FNDC3A: variants seen among roughly 807,000 people sequenced by gnomAD.
FNDC3A encodes the protein fibronectin type-III domain-containing protein 3A.
A neutral mutation model predicts 148.9 loss-of-function variants in FNDC3A; 32 were observed. The observed-to-expected ratio is 0.21, with a 90% confidence interval of 0.16 to 0.29. FNDC3A has a LOEUF of 0.29. Among genes scored for constraint, FNDC3A ranks in the 10% least tolerant of loss-of-function variants. The pLI is 1.00. For synonymous variants in FNDC3A, 472 were observed against 473.6 expected (o/e 1.00, Z 0.04); for missense variants, 1,191 against 1,452.8 (o/e 0.82, Z 2.93).
intron 2 of FNDC3A, chr13:49,045,921 A>G (rs1169629851): frequency 4.6e-6 from 1 of 216,874 alleles, no homozygotes; most frequent in Non-Finnish European, 9.1e-6. Flanking sequence ...ATCAGGGACA[A>G]TACTTTTTCC....
rs764042453 is a variant in FNDC3A at position 49,191,137 on chromosome 13, T to C, written c.2050+17T>C. 6.2e-7 allele frequency: 1 copy of C among 1,603,292 alleles called. No homozygotes were observed. Among genetic ancestry groups the C allele is most frequent in the South Asian group, 1.1e-5 (1 of 89,058 alleles). Reference sequence around the variant, plus strand: ...TACGATGGGGTAATTTCCATTTTGGTAATAAATTATAATTAAGCTAGAACA... The same window carrying C: ...TACGATGGGGTAATTTCCATTTTGGCAATAAATTATAATTAAGCTAGAACA... On this transcript the variant is annotated intron_variant, in intron 18 of 25. Coordinates refer to ENST00000492622, the MANE Select transcript of FNDC3A (RefSeq NM_001079673.2).
chr13:49,064,638 C>T (rs781647227), intron 2 of FNDC3A, among the ~76,000 whole-genome samples: 7 of 152,020 alleles, frequency 4.6e-5, no homozygotes, highest in Non-Finnish European at 8.8e-5. Context: ...GCCCCAGTGG[C>T]GCAGACACAG....
At chr13:49,016,724 C>T (rs1872814275) in intron 2 of FNDC3A, among the ~76,000 whole-genome samples, 1 of 151,926 alleles carries the variant, frequency 6.6e-6, no homozygotes, top group Non-Finnish European at 1.5e-5. Flanking sequence ...TTCCTGCTTC[C>T]TCTTGTGGGC....
chr13:49,061,133 G>A (rs1876654842), intron 2 of FNDC3A, among the ~76,000 whole-genome samples: 1 of 151,528 alleles, frequency 6.6e-6, no homozygotes, highest in Admixed American at 6.6e-5. Flanking sequence ...TTTTAGAGAT[G>A]AGATCTCACT....
chr13:49,131,159 G>A lies in FNDC3A; in HGVS notation c.275G>A (p.Arg92Gln), dbSNP rs79251453. The A allele has an allele frequency of 2.9e-5, 46 of 1,613,402 alleles. No individual in the cohort carries two copies. Among genetic ancestry groups the A allele is most frequent in the Non-Finnish European group, 3.5e-5 (41 of 1,179,376 alleles). ...APQVIEDNGV[R>Q]RVVVVPQAPE... ...TAGGTTATTGAAGACAATGGTGTTC[G>A]AAGAGTTGTCGTGGTCCCTCAGGCA... The change falls in exon 5 of 26, where the codon CGA becomes CAA. Residue 92 changes from arginine to glutamine, a missense_variant. Physicochemically the swap from Arg to Gln is conservative, Grantham distance 43. Transcript: ENST00000492622.
intron 8 of FNDC3A, 97 bp from the exon 9 acceptor site, chr13:49,167,147 T>G: frequency 1.5e-6 from 1 of 646,852 alleles, no homozygotes; most frequent in Admixed American, 2.8e-5. Context: ...AAGAAAGAAG[T>G]AGTTTCATAA....
Position 49,185,942 on chromosome 13 carries a change from T to C in FNDC3A, c.1618-22T>C, listed in dbSNP as rs372345418. ...ATTAGGTATCAAGTGTATTATTTAATGTCTTTCTGTTCTCATCACAGGTTA... is the reference window on the plus strand; with the variant it reads ...ATTAGGTATCAAGTGTATTATTTAACGTCTTTCTGTTCTCATCACAGGTTA... On this transcript the variant is annotated intron_variant, in intron 14 of 25. Coordinates refer to ENST00000492622, the MANE Select transcript of FNDC3A (RefSeq NM_001079673.2). 3.5e-5 allele frequency: 55 copies of C among 1,588,932 alleles called. No individual in the cohort carries two copies. The African/African-American group carries it at 5.4e-4, about 16-fold the overall frequency.
chr13:49,137,621 A>G (rs1882453245), intron 6 of FNDC3A, among the ~76,000 whole-genome samples: 1 of 152,250 alleles, frequency 6.6e-6, no homozygotes, highest in Non-Finnish European at 1.5e-5. Flanking sequence ...CTAAGATTAC[A>G]GGCATGAGCC....
intron 5 of FNDC3A, among the ~76,000 whole-genome samples, chr13:49,132,779 C>CT (rs1882110610): frequency 6.6e-6 from 1 of 152,154 alleles, no homozygotes; most frequent in Non-Finnish European, 1.5e-5. Flanking sequence ...TGTAAATTTC[C>CT]TTTAACCTTT....
intron 2 of FNDC3A, among the ~76,000 whole-genome samples, chr13:49,057,334 T>C (rs1876325336): frequency 6.6e-6 from 1 of 152,202 alleles, no homozygotes; most frequent in Non-Finnish European, 1.5e-5. Context: ...ACACAGAACA[T>C]ATTAATGTAA....
At chr13:48,995,234 C>A (rs1159637648) in intron 1 of FNDC3A, among the ~76,000 whole-genome samples, 3 of 151,452 alleles carry the variant, frequency 2.0e-5, no homozygotes, top group African/African-American at 4.8e-5. Context: ...TTATTTATTT[C>A]TTTTTTAATA....
At chr13:49,164,947 C>A (rs1338749059) in intron 8 of FNDC3A, among the ~76,000 whole-genome samples, 1 of 152,104 alleles carries the variant, frequency 6.6e-6, no homozygotes, top group Non-Finnish European at 1.5e-5. Flanking sequence ...GTTTTTAGTC[C>A]TTTGTTGATG....
At chr13:49,146,370 T>C (rs1882993484) in intron 8 of FNDC3A, 1 of 155,022 alleles carries the variant, frequency 6.5e-6, no homozygotes, top group African/African-American at 2.4e-5. Flanking sequence ...AGTAGCACTG[T>C]TATTTATTTG....
intron 2 of FNDC3A, chr13:49,045,334 A>T (rs944614971): frequency 6.2e-6 from 1 of 160,754 alleles, no homozygotes; most frequent in African/African-American, 2.4e-5. Context: ...TTGTATTTTT[A>T]GTAGGGATGG....
intron 8 of FNDC3A, among the ~76,000 whole-genome samples, chr13:49,152,375 C>T (rs1329803170): frequency 6.6e-6 from 1 of 152,156 alleles, no homozygotes; most frequent in Non-Finnish European, 1.5e-5. Flanking sequence ...TGAATGTCTT[C>T]TTTTGAGAAA....
intron 4 of FNDC3A, 132 bp from the exon 5 acceptor site, chr13:49,131,005 A>C (rs1279818128): frequency 1.7e-4 from 114 of 672,752 alleles, no homozygotes; most frequent in Non-Finnish European, 2.2e-4. Flanking sequence ...ACCCTAGGTA[A>C]TCCACCTGCC....
At chr13:49,142,385 C>T (rs1286113710) in intron 7 of FNDC3A, among the ~76,000 whole-genome samples, 1 of 152,142 alleles carries the variant, frequency 6.6e-6, no homozygotes, top group African/African-American at 2.4e-5. Flanking sequence ...TCCTGGGTTA[C>T]AGTATCATCT....
chr13:49,085,399 C>T (rs929444608), intron 3 of FNDC3A, among the ~76,000 whole-genome samples: 4 of 152,116 alleles, frequency 2.6e-5, no homozygotes, highest in African/African-American at 7.2e-5. Context: ...AAGCCCTCTT[C>T]TCTCAGGATG....
intron 2 of FNDC3A, among the ~76,000 whole-genome samples, chr13:49,071,450 C>T (rs1004278544): frequency 6.6e-6 from 1 of 152,126 alleles, no homozygotes; most frequent in Non-Finnish European, 1.5e-5. Context: ...GAGGAACCTC[C>T]ATACTGTTTT....
Sources: allele counts gnomAD v4.1 joint callset (sites outside exome capture counted in the v4.1 genomes callset), GRCh38; gene constraint gnomAD v4.1.1; transcripts MANE v1.5; gene names NCBI Gene and HGNC (gene_info 2026-07-23, HGNC 2026-07-21).